The following SRBD1 variants were observed in gnomAD, a reference collection of about 807,000 sequenced individuals.
The protein encoded by SRBD1 is S1 RNA binding domain 1.
Under a neutral mutation model 115.3 loss-of-function variants are expected in SRBD1, and 88 were observed. The observed-to-expected ratio is 0.76, with a 90% CI of 0.64 to 0.91. The LOEUF (loss-of-function observed/expected upper bound fraction) is 0.91, where lower values mean the gene tolerates loss of function less well. Ranked by LOEUF, SRBD1 falls within the 40% of genes least tolerant of loss-of-function variation. The probability of loss-of-function intolerance (pLI) is 0.00; values close to 1 mark genes in which losing one functional copy is unlikely to be tolerated. For missense variants in SRBD1, 1,385 were observed against 1,177.4 expected (o/e 1.18, Z -2.58); for synonymous variants, 509 against 407.7 (o/e 1.25, Z -2.99).
Position 45,605,428 on chromosome 2 carries a change from G to C in SRBD1, c.14C>G (p.Pro5Arg). Residue 5 changes from proline to arginine, a missense_variant, in exon 2 of 21, where the codon CCA becomes CGA. Transcript: ENST00000263736. ...CTGGACCTGTACTTTCGCTCTTCTT[G>C]GCAATGATGACATCTAGAAGAAACA... MSSL[P>R]RRAKVQVQDV... 1 of 1,613,444 alleles carries C rather than the reference G, an allele frequency of 6.2e-7. No individual in the cohort carries two copies. Among genetic ancestry groups the C allele is most frequent in the Non-Finnish European group, 8.5e-7 (1 of 1,179,876 alleles).
intron 14 of SRBD1, among the ~76,000 whole-genome samples, chr2:45,515,917 C>G (rs918095683): frequency 2.0e-5 from 3 of 152,166 alleles, no homozygotes; most frequent in Admixed American, 6.5e-5. Flanking sequence ...GGCTGATTCA[C>G]TCCATGACAA....
At chr2:45,482,807 C>T (rs1381796259) in intron 15 of SRBD1, among the ~76,000 whole-genome samples, 1 of 152,038 alleles carries the variant, frequency 6.6e-6, no homozygotes, top group Admixed American at 6.6e-5. Context: ...TGCGGATGCT[C>T]AAGTCCTTTA....
intron 9 of SRBD1, chr2:45,568,158 G>C (rs1672893905): frequency 1.3e-5 from 2 of 152,270 alleles, no homozygotes; most frequent in East Asian, 1.9e-4. Context: ...TCCCATGAGA[G>C]AATGTGAAGA....
chr2:45,421,461 C>A (rs1045759156), intron 16 of SRBD1, among the ~76,000 whole-genome samples: 1 of 119,578 alleles, frequency 8.4e-6, no homozygotes, highest in African/African-American at 3.2e-5. Flanking sequence ...GAGCGTAGAT[C>A]GTGCCACTGC....
chr2:45,467,692 G>A (rs900494254), intron 16 of SRBD1, among the ~76,000 whole-genome samples: 1 of 152,022 alleles, frequency 6.6e-6, no homozygotes, highest in African/African-American at 2.4e-5. Context: ...CAACATTAGG[G>A]GCTTGAGAAA....
chr2:45,581,837 C>T, intron 5 of SRBD1, 27 bp from the exon 6 acceptor site: 1 of 1,552,422 alleles, frequency 6.4e-7, no homozygotes, highest in South Asian at 1.1e-5. Flanking sequence ...TTGTAATATA[C>T]CAAAACTGTA....
intron 4 of SRBD1, among the ~76,000 whole-genome samples, chr2:45,590,831 A>G (rs1673698726): frequency 6.6e-6 from 1 of 152,132 alleles, no homozygotes; most frequent in African/African-American, 2.4e-5. Flanking sequence ...GGCCTGATCA[A>G]TATGATGAAA....
chr2:45,555,880 T>C (rs370678014), intron 10 of SRBD1, among the ~76,000 whole-genome samples: 1 of 152,152 alleles, frequency 6.6e-6, no homozygotes, highest in Non-Finnish European at 1.5e-5. Flanking sequence ...GTTGGTCCTA[T>C]GATACTATCC....
intron 10 of SRBD1, 141 bp downstream of exon 10, chr2:45,562,512 G>C (rs566823500): frequency 3.6e-6 from 2 of 548,934 alleles, no homozygotes; most frequent in Admixed American, 8.2e-5. Flanking sequence ...GATTACAGGC[G>C]TGAGCCACCG....
At chr2:45,566,113 G>A (rs1266712082) in intron 9 of SRBD1, among the ~76,000 whole-genome samples, 1 of 152,196 alleles carries the variant, frequency 6.6e-6, no homozygotes, top group African/African-American at 2.4e-5. Context: ...CCGCTGGTGA[G>A]AATGTAAAAA....
intron 4 of SRBD1, among the ~76,000 whole-genome samples, chr2:45,598,279 AT>A (rs1451152731): frequency 6.6e-6 from 1 of 152,222 alleles, no homozygotes; most frequent in African/African-American, 2.4e-5. Context: ...GCAACATTCT[AT>A]TCCTTAGTGC....
intron 11 of SRBD1, 98 bp from the exon 12 acceptor site, chr2:45,551,380 T>C (rs983982646): frequency 3.3e-5 from 39 of 1,180,752 alleles, no homozygotes; most frequent in Non-Finnish European, 3.5e-5. Context: ...TCTCAAAGGA[T>C]AATTTATTAT....
intron 16 of SRBD1, among the ~76,000 whole-genome samples, chr2:45,443,882 A>G (rs1227959863): frequency 2.0e-5 from 3 of 151,286 alleles, no homozygotes; most frequent in Non-Finnish European, 4.4e-5. Flanking sequence ...TTTCTTACGC[A>G]TATCTAGTAA....
rs1203170814 is a variant in SRBD1, at chr2:45,488,237, T to C, written c.1966+3A>G. 6.2e-7 allele frequency: 1 copy of C among 1,613,352 alleles called. No individual in the cohort carries two copies. ...GTTTTTGTGATGGTCCATAGTTTCT[T>C]ACCTGCACTTCTCAAATTAGGGTCC... is the stretch of plus-strand genomic sequence containing the variant. On this transcript the variant is annotated splice_donor_region_variant and intron_variant, in intron 15 of 20. Coordinates refer to ENST00000263736, the MANE Select transcript of SRBD1 (RefSeq NM_018079.5).
chr2:45,490,910 T>C (rs368149118), intron 14 of SRBD1, among the ~76,000 whole-genome samples: 19 of 152,208 alleles, frequency 1.2e-4, no homozygotes, highest in African/African-American at 3.9e-4. Context: ...TATGCTTTAC[T>C]TACTGAAGAG....
At chr2:45,504,233 T>G (rs1477487087) in intron 14 of SRBD1, among the ~76,000 whole-genome samples, 2 of 152,150 alleles carry the variant, frequency 1.3e-5, no homozygotes, top group African/African-American at 2.4e-5. Flanking sequence ...ATTCTCCCTT[T>G]TCCACGTGCC....
chr2:45,555,530 G>C (rs910258565), intron 10 of SRBD1, among the ~76,000 whole-genome samples: 1 of 130,550 alleles, frequency 7.7e-6, no homozygotes, highest in African/African-American at 3.0e-5. Context: ...CTGCTCTGTC[G>C]CCCAGGCTGG....
intron 16 of SRBD1, among the ~76,000 whole-genome samples, chr2:45,459,781 T>C (rs376842144): frequency 2.0e-5 from 3 of 152,136 alleles, no homozygotes; most frequent in African/African-American, 4.8e-5. Flanking sequence ...ACATGACACA[T>C]GAGTAGCTAA....
intron 9 of SRBD1, among the ~76,000 whole-genome samples, chr2:45,572,384 G>A (rs982296799): frequency 2.0e-5 from 3 of 152,094 alleles, no homozygotes; most frequent in African/African-American, 7.2e-5. Flanking sequence ...ATATGACTAT[G>A]CTTCCCATTA....
Sources: gnomAD v4.1 joint callset for allele counts (sites outside exome capture counted in the v4.1 genomes callset) on GRCh38, gnomAD v4.1.1 for gene constraint, MANE v1.5 for transcripts, NCBI Gene and HGNC (gene_info 2026-07-23, HGNC 2026-07-21) for gene names.